MTHFD1: variants seen among roughly 807,000 people sequenced by gnomAD.
The protein encoded by MTHFD1 is C-1-tetrahydrofolate synthase, cytoplasmic.
Under a neutral mutation model 110.3 loss-of-function variants are expected in MTHFD1, and 44 were observed. The observed-to-expected ratio is 0.40, with a 90% CI of 0.31 to 0.51. The LOEUF (loss-of-function observed/expected upper bound fraction) is 0.51, where lower values mean the gene tolerates loss of function less well. MTHFD1 is among the 20% of genes least tolerant of loss of function. MTHFD1 has a pLI of 0.60. For missense variants in MTHFD1, 909 were observed against 1,173.1 expected, an observed-to-expected ratio of 0.77 and a Z score of 3.29; for synonymous variants, 402 against 428.8, an observed-to-expected ratio of 0.94 and a Z score of 0.77.
chr14:64,438,084 G>T (rs2078220146), intron 16 of MTHFD1, among the ~76,000 whole-genome samples: 1 of 152,130 alleles, frequency 6.6e-6, no homozygotes, highest in South Asian at 2.1e-4. Context: ...TGTTGGTCAG[G>T]CTGGCCTCGA....
intron 1 of MTHFD1, among the ~76,000 whole-genome samples, chr14:64,389,921 A>C (rs2077791510): frequency 6.6e-6 from 1 of 152,226 alleles, no homozygotes; most frequent in Non-Finnish European, 1.5e-5. Flanking sequence ...AGTGCAGATA[A>C]TTTAGTACAA....
chr14:64,402,626 C>T (rs1276491556), intron 2 of MTHFD1, among the ~76,000 whole-genome samples: 2 of 151,964 alleles, frequency 1.3e-5, no homozygotes, highest in African/African-American at 4.8e-5. Context: ...GCCTGGACAA[C>T]AAAGTGAGAT....
chr14:64,441,141 G>A (rs1030165873), intron 18 of MTHFD1: 21 of 457,026 alleles, frequency 4.6e-5, no homozygotes, highest in African/African-American at 3.4e-4. Flanking sequence ...GCAGTGAGCC[G>A]AGATTGCACC....
chr14:64,394,078 G>A (rs971440949), intron 1 of MTHFD1, among the ~76,000 whole-genome samples: 6 of 152,116 alleles, frequency 3.9e-5, no homozygotes, highest in Middle Eastern at 6.8e-3. Context: ...TGCACTGTGC[G>A]GTTGGCTCTC....
chr14:64,391,590 C>T (rs145185237), intron 1 of MTHFD1, among the ~76,000 whole-genome samples: 3 of 152,318 alleles, frequency 2.0e-5, no homozygotes, highest in Non-Finnish European at 4.4e-5. Context: ...GGAGCTCGGA[C>T]ATCAACAAAG....
At chr14:64,402,799 C>T (rs1338953007) in intron 2 of MTHFD1, among the ~76,000 whole-genome samples, 6 of 104,690 alleles carry the variant, frequency 5.7e-5, no homozygotes, top group Non-Finnish European at 1.2e-4. Context: ...ACAGTGAGAT[C>T]CTGTCTCAAA....
chr14:64,439,762 C>T (rs758817847), intron 17 of MTHFD1, among the ~76,000 whole-genome samples: 29 of 152,140 alleles, frequency 1.9e-4, no homozygotes, highest in African/African-American at 5.3e-4. Flanking sequence ...GGCATGGTGG[C>T]ACGCGCCTGT....
At chr14:64,435,715 C>T (rs1159801667) in intron 16 of MTHFD1, 44 bp downstream of exon 16, 3 of 1,073,388 alleles carry the variant, frequency 2.8e-6, no homozygotes, top group South Asian at 1.2e-5. Flanking sequence ...GGCTATATTG[C>T]ACACCCTACA....
chr14:64,412,032 G>GA (rs1465391645), intron 3 of MTHFD1, among the ~76,000 whole-genome samples: 2 of 152,158 alleles, frequency 1.3e-5, no homozygotes, highest in Admixed American at 1.3e-4. Flanking sequence ...GTGGGCTGGG[G>GA]GGATTTACAT....
At chr14:64,430,383 C>G (rs969170134) in intron 13 of MTHFD1, among the ~76,000 whole-genome samples, 153 bp downstream of exon 13, 3 of 151,120 alleles carry the variant, frequency 2.0e-5, no homozygotes, top group Non-Finnish European at 4.4e-5. Flanking sequence ...ACTGCAACCT[C>G]TGCCTCCCAG....
In MTHFD1 at chr14:64,417,831, T is replaced by A; in HGVS notation, c.479-57T>A. ...CTTATTCTAATTTCTCCACGTGGCA[T>A]GCGAAGGAGGGCAGCTTCTATCCTC... On this transcript the variant is annotated intron_variant, in intron 6 of 27. Transcript: ENST00000652337. This position sits in a 1 kb window ranked among gnomAD's most constrained non-coding sequence, Gnocchi z 4.4. 6.2e-7 allele frequency: 1 copy of A among 1,609,888 alleles called. No individual in the cohort carries two copies. The highest frequency in any genetic ancestry group is 8.5e-7 in the Non-Finnish European group (1 of 1,178,292).
intron 21 of MTHFD1, among the ~76,000 whole-genome samples, chr14:64,443,341 C>T (rs1046854019): frequency 3.3e-5 from 5 of 152,142 alleles, no homozygotes; most frequent in African/African-American, 1.2e-4. Context: ...CATGAAAATG[C>T]ATTATCTTTT....
intron 24 of MTHFD1, among the ~76,000 whole-genome samples, chr14:64,451,805 GAAGTTCTAA>G (rs2078377062): frequency 6.6e-6 from 1 of 152,232 alleles, no homozygotes; most frequent in Non-Finnish European, 1.5e-5. Context: ...TTTTGCTTCA[GAAGTTCTAA>G]ATGTGCCTTG....
chr14:64,447,661 C>T (rs987351619), intron 22 of MTHFD1, among the ~76,000 whole-genome samples: 4 of 151,958 alleles, frequency 2.6e-5, no homozygotes, highest in African/African-American at 4.8e-5. Flanking sequence ...CCCTCGTTCA[C>T]GGTCGAGTTC....
chr14:64,421,687 G>A (rs1028904532), intron 8 of MTHFD1, among the ~76,000 whole-genome samples: 17 of 151,076 alleles, frequency 1.1e-4, no homozygotes, highest in South Asian at 8.3e-4. Flanking sequence ...GCTGTGGCGC[G>A]ATCTCGGCTC....
intron 27 of MTHFD1, 132 bp downstream of exon 27, chr14:64,458,439 G>A (rs1390240358): frequency 8.2e-6 from 6 of 731,814 alleles, no homozygotes; most frequent in Admixed American, 2.0e-5. Flanking sequence ...ACTTCCCTGA[G>A]GGGAGAGGGG....
At chr14:64,457,473 T>G (rs968403271) in intron 26 of MTHFD1, among the ~76,000 whole-genome samples, 56 of 151,736 alleles carry the variant, frequency 3.7e-4, no homozygotes, top group Non-Finnish European at 5.0e-4. Flanking sequence ...TTTTTTTTTT[T>G]GAGATGGAGT....
intron 11 of MTHFD1, 139 bp downstream of exon 11, chr14:64,426,331 A>T: frequency 1.0e-6 from 1 of 962,578 alleles, no homozygotes; most frequent in South Asian, 1.4e-5. Context: ...ATCTCATTTG[A>T]TCCTTACAGC....
rs2078083769 is a variant in MTHFD1 at position 64,422,660 on chromosome 14, G to C, written c.728-2144G>C. On this transcript the variant is annotated intron_variant, in intron 8 of 27. Transcript: ENST00000652337. ...ATCCAGTGTAGCTGCTTCTGGACTG[G>C]CCTCTATTATTAGGGTCCCCAAATT... is the stretch of plus-strand genomic sequence containing the variant. 2.6e-5 allele frequency among the ~76,000 whole-genome samples: 4 copies of C among 152,108 alleles called. No individual in the cohort carries two copies. The South Asian group carries it at 8.3e-4, about 32-fold the overall frequency.
Sources: gnomAD v4.1 joint callset for allele counts (sites outside exome capture counted in the v4.1 genomes callset) on GRCh38, gnomAD v4.1.1 for gene constraint, Gnocchi (gnomAD v3.1) non-coding constraint, MANE v1.5 for transcripts, NCBI Gene and HGNC (gene_info 2026-07-23, HGNC 2026-07-21) for gene names.